The following DCLK1 variants were observed in gnomAD, a reference collection of about 807,000 sequenced individuals.
The protein encoded by DCLK1 is serine/threonine-protein kinase DCLK1.
DCLK1 carries 16 observed loss-of-function variants against 86.2 expected under a neutral mutation model. That is an observed-to-expected ratio of 0.19 (90% CI 0.13 to 0.28). DCLK1 has a LOEUF of 0.28. Among genes scored for constraint, DCLK1 ranks in the 10% least tolerant of loss-of-function variants. The pLI is 1.00. For synonymous variants in DCLK1, 369 were observed against 370.5 expected (o/e 1.00, Z 0.05); for missense variants, 590 against 940.2 (o/e 0.63, Z 4.87).
At chr13:35,851,972 C>T (rs189810324) in intron 6 of DCLK1, among the ~76,000 whole-genome samples, 63 of 150,140 alleles carry the variant, frequency 4.2e-4, no homozygotes, top group African/African-American at 8.4e-4. Flanking sequence ...GGGGGCAAGG[C>T]GCGCGTGTGT....
At chr13:36,023,141 A>T (rs1449599500) in intron 3 of DCLK1, among the ~76,000 whole-genome samples, 5 of 152,254 alleles carry the variant, frequency 3.3e-5, no homozygotes, top group African/African-American at 4.8e-5. Context: ...AATAGGATAG[A>T]TATCTGTAGG....
intron 3 of DCLK1, among the ~76,000 whole-genome samples, chr13:36,056,906 A>AAAATATATATAT (rs4054844): frequency 7.7e-6 from 1 of 130,160 alleles, no homozygotes; most frequent in Admixed American, 8.6e-5. Context: ...AAAAAAAAAA[A>AAAATATATATAT]ATATATATAT....
chr13:35,881,523 G>A (rs576688625), intron 4 of DCLK1, among the ~76,000 whole-genome samples: 74 of 152,294 alleles, frequency 4.9e-4, no homozygotes, highest in Non-Finnish European at 7.3e-4. Flanking sequence ...GCTATAGCAA[G>A]CTCTGAATAA....
chr13:36,103,476 C>A (rs1296353839), intron 3 of DCLK1, among the ~76,000 whole-genome samples: 1 of 150,812 alleles, frequency 6.6e-6, no homozygotes, highest in Non-Finnish European at 1.5e-5. Flanking sequence ...CTCAATGCGA[C>A]TATGGGTAAT....
chr13:36,084,816 T>G (rs1441637707), intron 3 of DCLK1, among the ~76,000 whole-genome samples: 1 of 152,164 alleles, frequency 6.6e-6, no homozygotes, highest in Non-Finnish European at 1.5e-5. Context: ...TGGCACCCAT[T>G]TTAGCTTTTT....
intron 3 of DCLK1, among the ~76,000 whole-genome samples, chr13:36,033,991 G>C (rs1456355633): frequency 1.3e-5 from 2 of 152,132 alleles, no homozygotes. Context: ...ATATAAGCTT[G>C]ATAGATAATG....
intron 16 of DCLK1, among the ~76,000 whole-genome samples, chr13:35,781,329 G>T (rs2086521319): frequency 6.6e-6 from 1 of 152,144 alleles, no homozygotes; most frequent in African/African-American, 2.4e-5. Context: ...ACCACATCGA[G>T]CCCCAATTTC....
intron 4 of DCLK1, among the ~76,000 whole-genome samples, chr13:35,925,037 CTTT>C (rs1876034518): frequency 6.6e-6 from 1 of 152,166 alleles, no homozygotes; most frequent in Non-Finnish European, 1.5e-5. Context: ...TAGACAAGCT[CTTT>C]TTAGTACCAT....
At chr13:35,959,708 G>A (rs1463786475) in intron 3 of DCLK1, among the ~76,000 whole-genome samples, 1 of 152,152 alleles carries the variant, frequency 6.6e-6, no homozygotes, top group East Asian at 1.9e-4. Flanking sequence ...TGCAGAGCCA[G>A]TACTCTTGGC....
At position 36,114,908 on chromosome 13, in the gene DCLK1, C is replaced by T. The variant is rs548969713; in HGVS notation, c.377-2693G>A. On this transcript the variant is annotated intron_variant, in intron 2 of 16. Transcript: ENST00000360631. Reference sequence around the variant, plus strand: ...GTGTTCAATCTCTTCCTTAGTGTGACTGAGAGTTAAGAGATAAGTTATAAT... The same window carrying T: ...GTGTTCAATCTCTTCCTTAGTGTGATTGAGAGTTAAGAGATAAGTTATAAT... Among the ~76,000 whole-genome samples the T allele has an allele frequency of 3.3e-5, 5 of 152,300 alleles. No homozygotes were observed. The East Asian group carries it at 9.7e-4, about 29-fold the overall frequency.
At chr13:35,967,109 C>T (rs1346793949) in intron 3 of DCLK1, among the ~76,000 whole-genome samples, 5 of 151,190 alleles carry the variant, frequency 3.3e-5, no homozygotes, top group African/African-American at 1.2e-4. Context: ...AGCACCTCTG[C>T]CTCGCCGCCC....
chr13:36,032,689 A>C (rs1038429669), intron 3 of DCLK1, among the ~76,000 whole-genome samples: 3 of 152,124 alleles, frequency 2.0e-5, no homozygotes, highest in Admixed American at 6.5e-5. Context: ...CAGGAAAGGA[A>C]AGTAGTGCTG....
intron 4 of DCLK1, among the ~76,000 whole-genome samples, chr13:35,908,513 C>A (rs541290683): frequency 6.6e-5 from 10 of 152,186 alleles, no homozygotes; most frequent in Middle Eastern, 3.2e-3. Context: ...TTCTCTAGTG[C>A]CAGTGAGCTT....
At chr13:35,841,923 A>G (rs1313008647) in intron 6 of DCLK1, among the ~76,000 whole-genome samples, 4 of 152,074 alleles carry the variant, frequency 2.6e-5, no homozygotes, top group South Asian at 4.1e-4. Context: ...ACTTCCATTC[A>G]GAGACCAAAT....
At chr13:35,799,340 C>T (rs999790576) in intron 15 of DCLK1, among the ~76,000 whole-genome samples, 2 of 152,164 alleles carry the variant, frequency 1.3e-5, no homozygotes, top group Non-Finnish European at 2.9e-5. Context: ...CAACCTCTGC[C>T]TCCCGGGTTC....
At chr13:35,938,146 C>T (rs1188780527) in intron 4 of DCLK1, among the ~76,000 whole-genome samples, 3 of 152,046 alleles carry the variant, frequency 2.0e-5, no homozygotes, top group Non-Finnish European at 2.9e-5. Flanking sequence ...GAAAGATATA[C>T]GTCATTTTGG....
chr13:36,007,868 A>C (rs1041295159), intron 3 of DCLK1, among the ~76,000 whole-genome samples: 7 of 152,130 alleles, frequency 4.6e-5, no homozygotes, highest in African/African-American at 1.7e-4. Flanking sequence ...TAATTATGTT[A>C]TATTTAGTAT....
intron 5 of DCLK1, among the ~76,000 whole-genome samples, chr13:35,859,626 A>C (rs911572794): frequency 6.6e-6 from 1 of 152,098 alleles, no homozygotes; most frequent in South Asian, 2.1e-4. Flanking sequence ...AAGTGTGCAG[A>C]TCCACCTTTT....
intron 3 of DCLK1, among the ~76,000 whole-genome samples, chr13:36,008,584 T>C (rs1410106392): frequency 8.0e-4 from 106 of 132,420 alleles, no homozygotes; most frequent in Non-Finnish European, 1.4e-3. Context: ...TAGTATTCCA[T>C]GGTGTATATG....
Sources: gnomAD v4.1 joint callset for allele counts (sites outside exome capture counted in the v4.1 genomes callset) on GRCh38, gnomAD v4.1.1 for gene constraint, MANE v1.5 for transcripts, NCBI Gene and HGNC (gene_info 2026-07-23, HGNC 2026-07-21) for gene names.